The following HOXB3 variants were observed in gnomAD, a reference collection of about 807,000 sequenced individuals.
HOXB3 encodes homeobox B3.
In HOXB3, 17 loss-of-function variants were observed where a neutral mutation model predicts 29.2. The observed-to-expected ratio is 0.58, with a 90% CI of 0.40 to 0.87. The LOEUF is 0.87. Among genes scored for constraint, HOXB3 ranks in the 40% least tolerant of loss-of-function variants. HOXB3 has a pLI of 0.00. For synonymous variants in HOXB3, 317 were observed against 285.9 expected, an observed-to-expected ratio of 1.11 and a Z score of -1.10; for missense variants, 637 against 616.3, an observed-to-expected ratio of 1.03 and a Z score of -0.35.
intron 1 of HOXB3, among the ~76,000 whole-genome samples, chr17:48,586,879 G>A (rs1218087790): frequency 1.3e-5 from 2 of 152,198 alleles, no homozygotes; most frequent in Non-Finnish European, 2.9e-5. Context: ...TCGAAAGGAA[G>A]GTGAGGGGGG....
Position 48,554,990 on chromosome 17 carries a change from C to A in HOXB3, c.-159+541G>T, listed in dbSNP as rs1324026490. ...TTGGAAAAATTCAGGTTCCATATGG[C>A]TCCTCGGGAGGGAGGGAGGGAGACG... On this transcript the variant is annotated intron_variant, in intron 3 of 4. Coordinates refer to ENST00000498678, the MANE Select transcript of HOXB3 (RefSeq NM_001384749.1). The surrounding 1 kb of genome is among the most constrained non-coding windows in gnomAD (Gnocchi z 4.1). 1.7e-6 allele frequency: 1 copy of A among 597,778 alleles called. No homozygotes were observed. Among genetic ancestry groups the A allele is most frequent in the Non-Finnish European group, 3.0e-6 (1 of 334,322 alleles). The allele number at this position is 597,778 out of a possible 1,614,324, so 37.0% of individuals were successfully genotyped here.
intron 3 of HOXB3, 30 bp from the exon 4 acceptor site, chr17:48,552,662 G>T: frequency 3.6e-6 from 2 of 550,968 alleles, no homozygotes; most frequent in South Asian, 2.8e-5. Context: ...ACACAAGGGG[G>T]AGAAGAGGAC....
In HOXB3 at chr17:48,550,245, C is replaced by G; in HGVS notation, c.*89G>C. 6.4e-7 allele frequency: 1 copy of G among 1,555,258 alleles called. No homozygotes were observed. The highest frequency in any genetic ancestry group is 8.7e-7 in the Non-Finnish European group (1 of 1,146,334). Reference sequence around the variant, plus strand: ...GAAGCCTGGGTACCACCTTCTCTGGCTCCTCTTTTCAGACCTCCAGGTTGC... The same window carrying G: ...GAAGCCTGGGTACCACCTTCTCTGGGTCCTCTTTTCAGACCTCCAGGTTGC... On this transcript the variant is annotated 3_prime_UTR_variant, in exon 5 of 5. Coordinates refer to ENST00000498678, the MANE Select transcript of HOXB3 (RefSeq NM_001384749.1).
intron 1 of HOXB3, chr17:48,578,461 C>T: frequency 3.8e-6 from 4 of 1,053,886 alleles, no homozygotes; most frequent in Non-Finnish European, 5.3e-6. Context: ...ATGGCCGCCC[C>T]GCCTGCGATT....
chr17:48,554,980 T>G lies in HOXB3; in HGVS notation c.-159+551A>C. ...TGCCTCCATGTTGGAAAAATTCAGGTTCCATATGGCTCCTCGGGAGGGAGG... is the reference window on the plus strand; with the variant it reads ...TGCCTCCATGTTGGAAAAATTCAGGGTCCATATGGCTCCTCGGGAGGGAGG... On this transcript the variant is annotated intron_variant, in intron 3 of 4. Transcript: ENST00000498678. This position sits in a 1 kb window ranked among gnomAD's most constrained non-coding sequence, Gnocchi z 4.1. The G allele has an allele frequency of 1.7e-6, 1 of 604,432 alleles. No individual in the cohort carries two copies. The highest frequency in any genetic ancestry group is 3.0e-6 in the Non-Finnish European group (1 of 337,214). The allele number at this position is 604,432 out of a possible 1,614,324, so 37.4% of individuals were successfully genotyped here.
At chr17:48,574,053 A>T in intron 1 of HOXB3, 39 bp from the exon 2 acceptor site, 1 of 587,726 alleles carries the variant, frequency 1.7e-6, no homozygotes, top group Non-Finnish European at 3.0e-6. Flanking sequence ...TACGTATTTA[A>T]AGAAAAGAAG....
chr17:48,573,454 C>T (rs984077389), intron 2 of HOXB3, among the ~76,000 whole-genome samples: 7 of 152,074 alleles, frequency 4.6e-5, no homozygotes, highest in Non-Finnish European at 8.8e-5. Flanking sequence ...AGGAACACAC[C>T]GACCACATGT....
At chr17:48,578,961 G>C (rs1183424085) in intron 1 of HOXB3, 2 of 152,356 alleles carry the variant, frequency 1.3e-5, no homozygotes, top group East Asian at 1.9e-4. Flanking sequence ...GGGTGAGAGA[G>C]GAGGCGTCCA....
intron 2 of HOXB3, among the ~76,000 whole-genome samples, chr17:48,555,960 GAAAA>G (rs564147929): frequency 6.6e-6 from 1 of 151,406 alleles, no homozygotes; most frequent in Admixed American, 6.6e-5. Flanking sequence ...TTTGCACAGG[GAAAA>G]AAAACCACAC....
At chr17:48,586,108 G>A (rs1384681131) in intron 1 of HOXB3, among the ~76,000 whole-genome samples, 3 of 152,226 alleles carry the variant, frequency 2.0e-5, no homozygotes, top group Non-Finnish European at 4.4e-5. Flanking sequence ...CTCGCAGACT[G>A]GGAACTGTTT....
Position 48,555,615 on chromosome 17 carries a change from C to G in HOXB3, c.-243G>C, listed in dbSNP as rs1461245652. Reference sequence around the variant, plus strand: ...AGCGAGCGGCAGGCGACAAATCTCCCCTCCTTGAAGGCAAAGGAAAAAAAG... The same window carrying G: ...AGCGAGCGGCAGGCGACAAATCTCCGCTCCTTGAAGGCAAAGGAAAAAAAG... On this transcript the variant is annotated 5_prime_UTR_variant, in exon 3 of 5. Coordinates refer to ENST00000498678, the MANE Select transcript of HOXB3 (RefSeq NM_001384749.1). 1.4e-6 allele frequency: 1 copy of G among 702,732 alleles called. No individual in the cohort carries two copies. Among genetic ancestry groups the G allele is most frequent in the East Asian group, 2.7e-5 (1 of 37,282 alleles). The allele number at this position is 702,732 out of a possible 1,614,324, so 43.5% of individuals were successfully genotyped here.
At chr17:48,562,263 G>C (rs1416322307) in intron 2 of HOXB3, among the ~76,000 whole-genome samples, 1 of 152,146 alleles carries the variant, frequency 6.6e-6, no homozygotes, top group Admixed American at 6.5e-5. Context: ...CATTGTACCA[G>C]CCGAGCCCTC....
chr17:48,571,171 C>T (rs970467751), intron 2 of HOXB3, among the ~76,000 whole-genome samples: 4 of 152,194 alleles, frequency 2.6e-5, no homozygotes, highest in Non-Finnish European at 4.4e-5. Flanking sequence ...GCCGATAAAG[C>T]GAACGTTTAC....
chr17:48,566,703 T>C (rs2069400283), intron 2 of HOXB3, among the ~76,000 whole-genome samples: 1 of 152,156 alleles, frequency 6.6e-6, no homozygotes, highest in African/African-American at 2.4e-5. Flanking sequence ...TCTACCCTCT[T>C]CCTTCTCTGT....
chr17:48,577,780 A>ACC lies in HOXB3; in HGVS notation c.-424-3768_-424-3767dup, dbSNP rs151227265. 1.1e-3 allele frequency: 1,283 copies of ACC among 1,165,654 alleles called. 4 individuals carry two copies. In the African/African-American group the frequency reaches 0.015, roughly 13 times the overall value. The allele number at this position is 1,165,654 out of a possible 1,614,324, so 72.2% of individuals were successfully genotyped here. ...GGGGACAATTGGCTTCCCCAGCTCA[A>ACC]CCCCCCCCCAACCCATGCCTCCGAA... On this transcript the variant is annotated intron_variant, in intron 1 of 4. Coordinates refer to ENST00000498678, the MANE Select transcript of HOXB3 (RefSeq NM_001384749.1).
At position 48,555,320 on chromosome 17, in the gene HOXB3, AG is replaced by A. The variant is rs1389881296; in HGVS notation, c.-159+210del. ...AAAGAGGAGAGAAGCAGGAAGAGAG[AG>A]GGGAGAGAGAGAGGGAGAGAGAGAG... On this transcript the variant is annotated intron_variant, in intron 3 of 4. Transcript: ENST00000498678. 1.5e-5 allele frequency: 8 copies of A among 546,274 alleles called. No homozygotes were observed. The Admixed American group carries it at 2.3e-4, about 16-fold the overall frequency. 33.8% of individuals were successfully genotyped at this position (546,274 alleles called of 1,614,324 possible). A position where few individuals can be genotyped will look rare whatever the true frequency, so the allele number is the denominator to read the frequency against.
chr17:48,572,447 C>T (rs1012121866), intron 2 of HOXB3, among the ~76,000 whole-genome samples: 21 of 152,208 alleles, frequency 1.4e-4, no homozygotes, highest in African/African-American at 4.3e-4. Flanking sequence ...TTTCTCTCCT[C>T]GCAGCCCAGG....
At chr17:48,560,063 G>A (rs2069141854) in intron 2 of HOXB3, 1 of 152,410 alleles carries the variant, frequency 6.6e-6, no homozygotes, top group Admixed American at 6.5e-5. Context: ...CTCAGCCTTA[G>A]CCTGGCAAAC....
chr17:48,577,751 T>C, intron 1 of HOXB3: 1 of 961,984 alleles, frequency 1.0e-6, no homozygotes. Flanking sequence ...GGCGAGTTTA[T>C]AGCGGGGACA....
Sources: allele counts gnomAD v4.1 joint callset (sites outside exome capture counted in the v4.1 genomes callset), GRCh38; gene constraint gnomAD v4.1.1; non-coding constraint Gnocchi (gnomAD v3.1); transcripts MANE v1.5; gene names NCBI Gene and HGNC (gene_info 2026-07-23, HGNC 2026-07-21).